ADGRL3: variants seen among roughly 807,000 people sequenced by gnomAD.
The protein encoded by ADGRL3 is calcium-independent alpha-latrotoxin receptor 3.
Under a neutral mutation model 153.5 loss-of-function variants are expected in ADGRL3, and 62 were observed. The observed-to-expected ratio is 0.40, with a 90% CI of 0.33 to 0.50. The LOEUF (loss-of-function observed/expected upper bound fraction) is 0.50, where lower values mean the gene tolerates loss of function less well. Ranked by LOEUF, ADGRL3 falls within the 20% of genes least tolerant of loss-of-function variation. The probability of loss-of-function intolerance (pLI) is 0.47; values close to 1 mark genes in which losing one functional copy is unlikely to be tolerated. For missense variants in ADGRL3, 1,641 were observed against 1,859.4 expected (o/e 0.88, Z 2.16); for synonymous variants, 710 against 672.5 (o/e 1.06, Z -0.86).
intron 16 of ADGRL3, among the ~76,000 whole-genome samples, chr4:61,947,804 C>T (rs905743175): frequency 6.6e-6 from 1 of 152,082 alleles, no homozygotes; most frequent in Non-Finnish European, 1.5e-5. Flanking sequence ...GAGCAATTAA[C>T]CTCTTTATTT....
At chr4:61,612,351 C>T (rs2091468828) in intron 5 of ADGRL3, among the ~76,000 whole-genome samples, 1 of 152,100 alleles carries the variant, frequency 6.6e-6, no homozygotes, top group South Asian at 2.1e-4. Flanking sequence ...TGATAGTCTG[C>T]TAAATGGCTC....
intron 1 of ADGRL3, among the ~76,000 whole-genome samples, chr4:61,343,040 T>C (rs1319448235): frequency 1.3e-5 from 2 of 152,094 alleles, no homozygotes; most frequent in Non-Finnish European, 2.9e-5. Flanking sequence ...AAACCTCTTT[T>C]AAAACCATGA....
intron 8 of ADGRL3, among the ~76,000 whole-genome samples, chr4:61,805,957 A>G (rs1216467920): frequency 6.6e-6 from 1 of 152,224 alleles, no homozygotes; most frequent in African/African-American, 2.4e-5. Context: ...AATTAGTTGC[A>G]TATAAATTTA....
intron 1 of ADGRL3, among the ~76,000 whole-genome samples, chr4:61,327,208 T>G (rs1211932809): frequency 6.6e-6 from 1 of 152,008 alleles, no homozygotes; most frequent in Non-Finnish European, 1.5e-5. Flanking sequence ...TAATGCTGTA[T>G]GTTAAATGTA....
intron 9 of ADGRL3, among the ~76,000 whole-genome samples, chr4:61,829,000 G>C (rs1042060397): frequency 7.9e-5 from 12 of 152,224 alleles, no homozygotes; most frequent in African/African-American, 2.6e-4. Flanking sequence ...GTAGGGAAAT[G>C]ATTTGTTTTA....
At chr4:61,302,569 A>C (rs1404206545) in intron 1 of ADGRL3, among the ~76,000 whole-genome samples, 1 of 151,932 alleles carries the variant, frequency 6.6e-6, no homozygotes, top group African/African-American at 2.4e-5. Flanking sequence ...GTTTTTAAAG[A>C]TTTAACTTCA....
intron 9 of ADGRL3, among the ~76,000 whole-genome samples, chr4:61,875,793 C>T (rs1374495791): frequency 1.3e-5 from 2 of 152,142 alleles, no homozygotes; most frequent in Non-Finnish European, 2.9e-5. Flanking sequence ...AAGGCATATT[C>T]TGTGGTCAAC....
rs909014707 is a variant in ADGRL3 at position 61,874,901 on chromosome 4, C to T, written c.1481-17755C>T. Among the ~76,000 whole-genome samples the T allele has an allele frequency of 2.6e-4, 38 of 145,202 alleles. 1 individual carries two copies. Among genetic ancestry groups the T allele is most frequent in the Admixed American group, 2.2e-3 (31 of 13,954 alleles). On this transcript the variant is annotated intron_variant, in intron 9 of 26. Transcript: ENST00000683033. ...TCGGCTCACTGCAAGCTCCGCTTCC[C>T]GGGTTCACGCCATTCTCCTGCCTCA...
intron 6 of ADGRL3, among the ~76,000 whole-genome samples, chr4:61,678,909 T>G (rs1156669151): frequency 2.0e-5 from 3 of 152,024 alleles, no homozygotes; most frequent in Non-Finnish European, 2.9e-5. Context: ...CAAAAGAAAG[T>G]ATAAATCATA....
intron 11 of ADGRL3, among the ~76,000 whole-genome samples, chr4:61,908,567 C>T (rs2098707200): frequency 1.4e-5 from 2 of 146,920 alleles, no homozygotes. Context: ...GAGATCATGC[C>T]ATTGCACTCC....
intron 1 of ADGRL3, among the ~76,000 whole-genome samples, chr4:61,221,990 T>G (rs1239106368): frequency 6.6e-6 from 1 of 152,114 alleles, no homozygotes; most frequent in Non-Finnish European, 1.5e-5. Flanking sequence ...AACCATGCTG[T>G]GCCAACTCCA....
At chr4:61,683,962 C>T (rs1014933261) in intron 6 of ADGRL3, among the ~76,000 whole-genome samples, 2 of 152,120 alleles carry the variant, frequency 1.3e-5, no homozygotes, top group African/African-American at 4.8e-5. Context: ...ATAGACTTTC[C>T]TGAGAGAAGA....
intron 1 of ADGRL3, among the ~76,000 whole-genome samples, chr4:61,234,718 G>A (rs1388190557): frequency 6.6e-6 from 1 of 152,176 alleles, no homozygotes; most frequent in African/African-American, 2.4e-5. Context: ...TGTAATTGGT[G>A]TTGTTTTATA....
intron 1 of ADGRL3, among the ~76,000 whole-genome samples, chr4:61,251,856 A>T (rs1759394820): frequency 2.2e-5 from 3 of 134,656 alleles, no homozygotes; most frequent in Admixed American, 1.5e-4. Flanking sequence ...GAAGTTTCTT[A>T]TCCTAAGATT....
intron 3 of ADGRL3, among the ~76,000 whole-genome samples, chr4:61,510,397 A>G (rs1219864239): frequency 6.6e-6 from 1 of 152,172 alleles, no homozygotes; most frequent in Admixed American, 6.5e-5. Context: ...AGGGTCTCAC[A>G]TTTAGAATTT....
At chr4:61,476,134 A>G (rs532374572) in intron 2 of ADGRL3, among the ~76,000 whole-genome samples, 2 of 152,296 alleles carry the variant, frequency 1.3e-5, no homozygotes, top group East Asian at 3.9e-4. Flanking sequence ...GCCTTTCTCA[A>G]TTAATTATTC....
At chr4:61,663,903 A>T (rs1012601082) in intron 5 of ADGRL3, among the ~76,000 whole-genome samples, 21 of 152,306 alleles carry the variant, frequency 1.4e-4, no homozygotes, top group Non-Finnish European at 2.8e-4. Context: ...ACACCCCCTG[A>T]AGACAATGTC....
intron 4 of ADGRL3, among the ~76,000 whole-genome samples, chr4:61,583,421 A>G (rs1211640598): frequency 6.6e-6 from 1 of 152,160 alleles, no homozygotes; most frequent in Non-Finnish European, 1.5e-5. Context: ...AAACAGAATG[A>G]CAAGAGGTTT....
intron 8 of ADGRL3, among the ~76,000 whole-genome samples, chr4:61,805,217 C>T (rs2097541699): frequency 1.3e-5 from 2 of 152,114 alleles, no homozygotes; most frequent in Non-Finnish European, 2.9e-5. Context: ...GCTGGGATTA[C>T]AGGCATGAGC....
Sources: allele counts gnomAD v4.1 joint callset (sites outside exome capture counted in the v4.1 genomes callset), GRCh38; gene constraint gnomAD v4.1.1; transcripts MANE v1.5; gene names NCBI Gene and HGNC (gene_info 2026-07-23, HGNC 2026-07-21).